ANKRD11: variants seen among roughly 807,000 people sequenced by gnomAD.
ANKRD11 encodes the protein ankyrin repeat domain 11, also known as ankyrin repeat domain-containing protein 11.
A neutral mutation model predicts 195.7 loss-of-function variants in ANKRD11; 17 were observed. That is an observed-to-expected ratio of 0.09 (90% confidence interval 0.06 to 0.13). The LOEUF is 0.13. ANKRD11 is among the 10% of genes least tolerant of loss of function. The pLI is 1.00. For synonymous variants in ANKRD11, 1,953 were observed against 1,528.1 expected, an observed-to-expected ratio of 1.28 and a Z score of -6.49; for missense variants, 3,735 against 3,566.1, an observed-to-expected ratio of 1.05 and a Z score of -1.21.
rs147205030 is a variant in ANKRD11 at position 89,472,811 on chromosome 16, G to A, written c.-145+17434C>T. Among the ~76,000 whole-genome samples the A allele has an allele frequency of 1.2e-3, 180 of 152,304 alleles. 1 individual carries two copies. The highest frequency in any genetic ancestry group is 4.0e-3 in the African/African-American group (167 of 41,564). On this transcript the variant is annotated intron_variant, in intron 1 of 12. Transcript: ENST00000301030. ...CAATAAATTATTACCACAGAGGGGA[G>A]CAGAGAGCACCGCAAGACCAAAGGT...
chr16:89,342,794 G>GA (rs1400734614), intron 2 of ANKRD11, among the ~76,000 whole-genome samples: 1 of 152,140 alleles, frequency 6.6e-6, no homozygotes, highest in Non-Finnish European at 1.5e-5. Context: ...GTTAAAACAT[G>GA]AAAAACATTA....
chr16:89,477,084 GTCTT>G (rs1475607018), intron 1 of ANKRD11, among the ~76,000 whole-genome samples: 4 of 152,106 alleles, frequency 2.6e-5, no homozygotes, highest in Non-Finnish European at 4.4e-5. Flanking sequence ...CTTTGGTCTT[GTCTT>G]TCTTTGTCTA....
At chr16:89,379,435 CCT>C (rs1437013349) in intron 2 of ANKRD11, among the ~76,000 whole-genome samples, 1 of 152,214 alleles carries the variant, frequency 6.6e-6, no homozygotes, top group Non-Finnish European at 1.5e-5. Flanking sequence ...TGCTCCACAC[CCT>C]GTCAGGGCAT....
intron 1 of ANKRD11, among the ~76,000 whole-genome samples, chr16:89,464,619 AAAAAG>A (rs1422652890): frequency 4.0e-5 from 6 of 151,498 alleles, no homozygotes; most frequent in South Asian, 2.1e-4. Context: ...AAAAAAAAAA[AAAAAG>A]AAAAGAAAAG....
chr16:89,448,817 C>T (rs975442595), intron 1 of ANKRD11, among the ~76,000 whole-genome samples: 1 of 152,166 alleles, frequency 6.6e-6, no homozygotes, highest in Non-Finnish European at 1.5e-5. Context: ...CCGGAGCGCA[C>T]GTGAGTCCCG....
rs577839770 is a variant in ANKRD11, at chr16:89,325,918, C to A, written c.-59-8840G>T. 9.9e-5 allele frequency among the ~76,000 whole-genome samples: 15 copies of A among 152,260 alleles called. No homozygotes were observed. The South Asian group carries it at 3.1e-3, about 32-fold the overall frequency. On this transcript the variant is annotated intron_variant, in intron 2 of 12. Coordinates refer to ENST00000301030, the MANE Select transcript of ANKRD11 (RefSeq NM_013275.6). ...GGGACCCTCAAGGGCATGAGCATGA[C>A]GACGGAGCAGCTTCAGGCTTCCCAG...
At chr16:89,314,677 G>A (rs1276883261) in intron 3 of ANKRD11, among the ~76,000 whole-genome samples, 1 of 152,194 alleles carries the variant, frequency 6.6e-6, no homozygotes, top group African/African-American at 2.4e-5. Flanking sequence ...TGAGACCTGA[G>A]CCAGGAGAGC....
chr16:89,281,498 C>A lies in ANKRD11; in HGVS notation c.5044G>T (p.Gly1682Cys). 1 of 1,614,210 alleles carries A rather than the reference C, an allele frequency of 6.2e-7. No homozygotes were observed. The highest frequency in any genetic ancestry group is 8.5e-7 in the Non-Finnish European group (1 of 1,180,032). The change falls in exon 9 of 13, where the codon GGC becomes TGC. Residue 1682 changes from glycine to cysteine, a missense_variant. Gly to Cys is a radical substitution (Grantham distance 159, BLOSUM62 -3). Transcript: ENST00000301030. This position sits in a 1 kb window ranked among gnomAD's most constrained non-coding sequence, Gnocchi z 5.5. ...SGADSKDWLA[G>C]PHMKEVLPAS... ...GGCAGGACCTCTTTCATGTGAGGGC[C>A]TGCCAGCCAGTCTTTGGAGTCTGCA...
At chr16:89,443,071 C>A (rs773711115) in intron 1 of ANKRD11, among the ~76,000 whole-genome samples, 1 of 152,150 alleles carries the variant, frequency 6.6e-6, no homozygotes, top group African/African-American at 2.4e-5. Context: ...TGGCTCACTG[C>A]GACCTCTGCC....
At chr16:89,301,458 ACAGGGCAGGCAGAG>A (rs1194668519) in intron 4 of ANKRD11, 7 of 398,006 alleles carry the variant, frequency 1.8e-5, no homozygotes, top group Non-Finnish European at 2.7e-5. Context: ...CCCCGGGCAG[ACAGGGCAGGCAGAG>A]CAGGGCAGGC....
At chr16:89,480,333 C>T (rs1056165629) in intron 1 of ANKRD11, among the ~76,000 whole-genome samples, 41 of 151,116 alleles carry the variant, frequency 2.7e-4, no homozygotes, top group Middle Eastern at 3.4e-3. Context: ...AAAAATTAGC[C>T]GAGCCTGGTG....
At chr16:89,453,969 C>T (rs568686285) in intron 1 of ANKRD11, among the ~76,000 whole-genome samples, 6 of 152,300 alleles carry the variant, frequency 3.9e-5, no homozygotes, top group Non-Finnish European at 5.9e-5. Context: ...GAGGAGCACC[C>T]GCACCTCGGG....
At position 89,268,483 on chromosome 16, in the gene ANKRD11, C is replaced by A; in HGVS notation, c.7987G>T (p.Ala2663Ser). ...CCTGCGGCCGTCCCGCGGTGTCATG[C>A]CGGCAACAATACAAAGTCGTCGTTG... Reference protein sequence around the residue: ...DVNDDFVLLPA With the variant: ...DVNDDFVLLPS The change falls in exon 13 of 13, where the codon GCA becomes TCA. Residue 2663 changes from alanine to serine, a missense_variant. Transcript: ENST00000301030. 7.7e-7 allele frequency: 1 copy of A among 1,295,052 alleles called. No homozygotes were observed. Among genetic ancestry groups the A allele is most frequent in the Non-Finnish European group, 1.1e-6 (1 of 928,752 alleles). The allele number at this position is 1,295,052 out of a possible 1,614,324, so 80.2% of individuals were successfully genotyped here.
intron 1 of ANKRD11, among the ~76,000 whole-genome samples, chr16:89,486,341 T>C (rs964738001): frequency 6.6e-6 from 1 of 151,418 alleles, no homozygotes; most frequent in African/African-American, 2.4e-5. Context: ...CTCAGGAGTC[T>C]GAGGTGGGAG....
intron 2 of ANKRD11, among the ~76,000 whole-genome samples, chr16:89,417,074 C>T (rs2042340838): frequency 6.6e-6 from 1 of 152,180 alleles, no homozygotes; most frequent in Admixed American, 6.5e-5. Context: ...CAATTCTAGA[C>T]CTATTTTCAA....
chr16:89,346,539 G>C (rs1226120187), intron 2 of ANKRD11, among the ~76,000 whole-genome samples: 1 of 152,220 alleles, frequency 6.6e-6, no homozygotes, highest in East Asian at 1.9e-4. Flanking sequence ...CCTAAAAACT[G>C]TGAGAGTCAC....
intron 2 of ANKRD11, among the ~76,000 whole-genome samples, chr16:89,338,023 C>T (rs536231943): frequency 1.3e-5 from 2 of 152,282 alleles, no homozygotes; most frequent in African/African-American, 4.8e-5. Flanking sequence ...CAGCTGGTGC[C>T]AGTATCATGG....
chr16:89,279,610 T>A lies in ANKRD11; in HGVS notation c.6932A>T (p.Gln2311Leu). The A allele has an allele frequency of 7.0e-7, 1 of 1,438,782 alleles. No homozygotes were observed. Among genetic ancestry groups the A allele is most frequent in the Non-Finnish European group, 9.1e-7 (1 of 1,098,464 alleles). 89.1% of individuals were successfully genotyped at this position (1,438,782 alleles called of 1,614,324 possible). The change falls in exon 9 of 13, where the codon CAG (glutamine) becomes CTG (leucine). Residue 2311 changes from glutamine to leucine, a missense_variant. Transcript: ENST00000301030. The surrounding 1 kb of genome is among the most constrained non-coding windows in gnomAD (Gnocchi z 5.6). ...GGGTTTTGGTTCTGCGGCTTCCGGC[T>A]GGATGCCGCCAGGAGGGCCTTCGGC... Reference protein sequence around the residue: ...APAEGPPGGIQPEAAEPKPTA... With the variant: ...APAEGPPGGILPEAAEPKPTA...
intron 1 of ANKRD11, among the ~76,000 whole-genome samples, chr16:89,459,909 G>T (rs1276503031): frequency 6.6e-6 from 1 of 151,476 alleles, no homozygotes; most frequent in African/African-American, 2.4e-5. Context: ...CTCCATCCTG[G>T]GTGACCAAGC....
Sources: allele counts gnomAD v4.1 joint callset (sites outside exome capture counted in the v4.1 genomes callset), GRCh38; gene constraint gnomAD v4.1.1; non-coding constraint Gnocchi (gnomAD v3.1); transcripts MANE v1.5; gene names NCBI Gene and HGNC (gene_info 2026-07-23, HGNC 2026-07-21).